The following FGF14 variants were observed in gnomAD, a reference collection of about 807,000 sequenced individuals.
The protein encoded by FGF14 is fibroblast growth factor homologous factor 4.
A neutral mutation model predicts 25.5 loss-of-function variants in FGF14; 5 were observed. The observed-to-expected ratio is 0.20, with a 90% CI of 0.10 to 0.41. The LOEUF (loss-of-function observed/expected upper bound fraction) is 0.41. Among genes scored for constraint, FGF14 ranks in the 10% least tolerant of loss-of-function variants. The pLI is 1.00. For synonymous variants in FGF14, 138 were observed against 118.3 expected (o/e 1.17, Z -1.08); for missense variants, 222 against 320.1 (o/e 0.69, Z 2.34).
chr13:101,858,673 T>C (rs563994740), intron 3 of FGF14, among the ~76,000 whole-genome samples: 7 of 152,236 alleles, frequency 4.6e-5, no homozygotes, highest in Admixed American at 1.3e-4. Flanking sequence ...GTAGTTTATA[T>C]AGTTTTTAAC....
Position 102,275,469 on chromosome 13 carries a change from A to G in FGF14, c.208+126002T>C, listed in dbSNP as rs2053491297. Among the ~76,000 whole-genome samples, 3 of 152,288 alleles carry G rather than the reference A, an allele frequency of 2.0e-5. 1 individual carries two copies. Among genetic ancestry groups the G allele is most frequent in the Middle Eastern group, 6.8e-3 (2 of 294 alleles). On this transcript the variant is annotated intron_variant, in intron 1 of 4. Coordinates refer to the FGF14 transcript ENST00000376131. The stretch of plus-strand genomic sequence containing the variant: ...AGAATGGATTTCTCTCCTAATCTTT[A>G]CATCAAACATAACATTTGAAATATT...
chr13:102,272,600 A>G (rs942259040), intron 1 of FGF14, among the ~76,000 whole-genome samples: 2 of 152,198 alleles, frequency 1.3e-5, no homozygotes, highest in African/African-American at 4.8e-5. Context: ...TAAATACTGC[A>G]TATGTGTTAA....
chr13:101,767,740 C>T (rs1566875931), intron 3 of FGF14, among the ~76,000 whole-genome samples: 2 of 152,052 alleles, frequency 1.3e-5, no homozygotes, highest in African/African-American at 4.8e-5. Flanking sequence ...AATTTAAAGA[C>T]AATAGTAGAA....
At chr13:102,166,542 C>A (rs1316420569) in intron 1 of FGF14, among the ~76,000 whole-genome samples, 3 of 152,034 alleles carry the variant, frequency 2.0e-5, no homozygotes, top group Admixed American at 6.6e-5. Context: ...TCATTTAGTG[C>A]CATATTTTTT....
chr13:102,265,922 T>C (rs1180053780), intron 1 of FGF14, among the ~76,000 whole-genome samples: 1 of 152,100 alleles, frequency 6.6e-6, no homozygotes, highest in Non-Finnish European at 1.5e-5. Flanking sequence ...AAAATTTGTT[T>C]ACTTCCTGCA....
At chr13:102,270,769 T>C (rs2053209011) in intron 1 of FGF14, among the ~76,000 whole-genome samples, 1 of 152,192 alleles carries the variant, frequency 6.6e-6, no homozygotes, top group African/African-American at 2.4e-5. Flanking sequence ...TTTGTCTTAA[T>C]GTTTTTCTTA....
At chr13:101,831,260 T>C (rs1340041629) in intron 3 of FGF14, among the ~76,000 whole-genome samples, 1 of 150,784 alleles carries the variant, frequency 6.6e-6, no homozygotes, top group East Asian at 2.0e-4. Context: ...ATTTATTTAT[T>C]TATTTATTTA....
intron 1 of FGF14, among the ~76,000 whole-genome samples, chr13:101,965,317 C>T (rs1481678694): frequency 6.6e-6 from 1 of 151,840 alleles, no homozygotes; most frequent in Non-Finnish European, 1.5e-5. Context: ...CACATGCCTT[C>T]ACAGGTGGTA....
intron 1 of FGF14, among the ~76,000 whole-genome samples, chr13:101,967,123 G>A (rs1594855627): frequency 1.3e-5 from 2 of 152,292 alleles, no homozygotes; most frequent in East Asian, 3.9e-4. Context: ...CAACATCCCA[G>A]AGGATGCTTT....
At chr13:102,312,581 A>C (rs147111044) in intron 1 of FGF14, among the ~76,000 whole-genome samples, 1 of 152,238 alleles carries the variant, frequency 6.6e-6, no homozygotes, top group African/African-American at 2.4e-5. Context: ...TATGAATGGC[A>C]TTATACCACT....
intron 3 of FGF14, among the ~76,000 whole-genome samples, chr13:101,848,947 T>A (rs1164818542): frequency 1.3e-5 from 2 of 152,080 alleles, no homozygotes; most frequent in African/African-American, 4.8e-5. Flanking sequence ...AAAATTAAAA[T>A]GTTGGTATAA....
At chr13:102,239,847 T>C (rs907187030) in intron 1 of FGF14, among the ~76,000 whole-genome samples, 3 of 152,198 alleles carry the variant, frequency 2.0e-5, no homozygotes, top group Admixed American at 2.0e-4. Flanking sequence ...TGTCCTTTTT[T>C]AAACACAAAG....
upstream of FGF14, among the ~76,000 whole-genome samples, chr13:101,917,447 A>T (rs976723459): frequency 2.6e-5 from 4 of 152,156 alleles, no homozygotes; most frequent in African/African-American, 9.7e-5. Context: ...AGCAGGTGGA[A>T]TTGAAGGAAC....
chr13:101,724,504 C>T (rs190520496), intron 4 of FGF14, among the ~76,000 whole-genome samples: 1 of 150,934 alleles, frequency 6.6e-6, no homozygotes, highest in South Asian at 2.1e-4. Context: ...TGACAAGTTA[C>T]TGGGTGCAGC....
intron 1 of FGF14, among the ~76,000 whole-genome samples, chr13:102,179,868 T>A (rs1248063771): frequency 6.6e-6 from 1 of 152,170 alleles, no homozygotes; most frequent in African/African-American, 2.4e-5. Context: ...TCCATCCCTT[T>A]TCAAAAAATC....
At chr13:101,893,408 GGA>G in intron 1 of FGF14, among the ~76,000 whole-genome samples, 1 of 152,140 alleles carries the variant, frequency 6.6e-6, no homozygotes. Flanking sequence ...TTGCTGTGGT[GGA>G]GAGAACAATG....
At chr13:101,797,772 T>TGTGTGTGTGA (rs1555384577) in intron 3 of FGF14, among the ~76,000 whole-genome samples, 4 of 145,670 alleles carry the variant, frequency 2.7e-5, no homozygotes, top group East Asian at 2.1e-4. Flanking sequence ...TGTGTGTGTG[T>TGTGTGTGTGA]GTGTGTGTGT....
intron 1 of FGF14, among the ~76,000 whole-genome samples, chr13:102,118,245 T>C (rs2045562443): frequency 6.6e-6 from 1 of 152,020 alleles, no homozygotes; most frequent in African/African-American, 2.4e-5. Context: ...GACATCATTG[T>C]AGTTATATAC....
intron 2 of FGF14, among the ~76,000 whole-genome samples, chr13:101,872,771 T>C (rs1273844420): frequency 2.0e-5 from 3 of 152,108 alleles, no homozygotes; most frequent in Non-Finnish European, 2.9e-5. Context: ...AATGTTGAAA[T>C]AGTAACAAAA....
Sources: allele counts gnomAD v4.1 joint callset (sites outside exome capture counted in the v4.1 genomes callset), GRCh38; gene constraint gnomAD v4.1.1; transcripts MANE v1.5; gene names NCBI Gene and HGNC (gene_info 2026-07-23, HGNC 2026-07-21).